The following CTNNBIP1 variants were observed in gnomAD, a reference collection of about 807,000 sequenced individuals.
The protein encoded by CTNNBIP1 is beta-catenin-interacting protein 1.
A neutral mutation model predicts 11.8 loss-of-function variants in CTNNBIP1; 7 were observed. The ratio of observed to expected loss-of-function variants is 0.60; its 90% CI spans 0.34 to 1.12. The LOEUF (loss-of-function observed/expected upper bound fraction) is 1.12. CTNNBIP1 is among the 50% of genes most tolerant of loss of function. The pLI, the probability that CTNNBIP1 is intolerant of heterozygous loss-of-function variation, is 0.03. For missense variants in CTNNBIP1, 101 were observed against 113.4 expected (o/e 0.89, Z 0.50); for synonymous variants, 58 against 43.9 (o/e 1.32, Z -1.26).
chr1:9,860,440 A>AC (rs1557746311), intron 5 of CTNNBIP1, among the ~76,000 whole-genome samples: 2 of 150,124 alleles, frequency 1.3e-5, no homozygotes, highest in East Asian at 3.9e-4. Flanking sequence ...AAAAAAAAAA[A>AC]AAAAAAAAAA....
At chr1:9,854,892 G>A (rs1638470242) in intron 5 of CTNNBIP1, among the ~76,000 whole-genome samples, 1 of 152,150 alleles carries the variant, frequency 6.6e-6, no homozygotes, top group African/African-American at 2.4e-5. Context: ...GTCCAGGCTG[G>A]TCTCGAGCTC....
intron 1 of CTNNBIP1, among the ~76,000 whole-genome samples, chr1:9,897,147 AAAAC>A (rs1307781265): frequency 6.6e-6 from 1 of 151,888 alleles, no homozygotes; most frequent in African/African-American, 2.4e-5. Flanking sequence ...CTCTGTCTCA[AAAAC>A]AAACAAACAA....
At chr1:9,905,720 G>A (rs1346359849) in intron 1 of CTNNBIP1, among the ~76,000 whole-genome samples, 1 of 150,946 alleles carries the variant, frequency 6.6e-6, no homozygotes. Flanking sequence ...GTGAACCACC[G>A]CGCCCGGCCT....
At chr1:9,882,327 G>C (rs1209089171) in intron 2 of CTNNBIP1, among the ~76,000 whole-genome samples, 2 of 152,236 alleles carry the variant, frequency 1.3e-5, no homozygotes, top group African/African-American at 4.8e-5. Context: ...GTGATGAGAG[G>C]CTTCCAATGA....
At chr1:9,876,540 C>G (rs888087237) in intron 3 of CTNNBIP1, among the ~76,000 whole-genome samples, 4 of 152,170 alleles carry the variant, frequency 2.6e-5, no homozygotes, top group African/African-American at 9.7e-5. Flanking sequence ...TCGCTTGGAC[C>G]TGGGAGGCGG....
Position 9,883,896 on chromosome 1 carries a change from G to A in CTNNBIP1, c.-143-158C>T, listed in dbSNP as rs1476290964. On this transcript the variant is annotated intron_variant, in intron 1 of 5. Coordinates refer to ENST00000377263, the MANE Select transcript of CTNNBIP1 (RefSeq NM_020248.3). This position sits in a 1 kb window ranked among gnomAD's most constrained non-coding sequence, Gnocchi z 5.6. ...CGGCTGACTTAACGGTGCTGGGGGA[G>A]CTCAGGGGAGGTCACCACCCAAACA... Among the ~76,000 whole-genome samples, 1 of 152,180 alleles carries A rather than the reference G, an allele frequency of 6.6e-6. No homozygotes were observed. The highest frequency in any genetic ancestry group is 6.5e-5 in the Admixed American group (1 of 15,286).
intron 5 of CTNNBIP1, among the ~76,000 whole-genome samples, chr1:9,860,428 TAAAAAAAAAAA>T (rs58165059): frequency 2.2e-5 from 1 of 45,544 alleles, no homozygotes; most frequent in Admixed American, 3.0e-4. Flanking sequence ...CCGTCTCTAC[TAAAAAAAAAAA>T]AAAAAAAAAA....
rs1029410319 is a variant in CTNNBIP1, at chr1:9,883,447, G to C, written c.-110+258C>G. Among the ~76,000 whole-genome samples the C allele has an allele frequency of 5.3e-5, 8 of 152,134 alleles. No homozygotes were observed. The highest frequency in any genetic ancestry group is 1.9e-4 in the African/African-American group (8 of 41,414). On this transcript the variant is annotated intron_variant, in intron 2 of 5. Coordinates refer to ENST00000377263, the MANE Select transcript of CTNNBIP1 (RefSeq NM_020248.3). The surrounding 1 kb of genome is among the most constrained non-coding windows in gnomAD (Gnocchi z 5.6). The stretch of plus-strand genomic sequence containing the variant: ...GAGAGGTCCACCTGCCCCATCCCAT[G>C]TCTACTCAGGCCCCACAGGCTCCTG...
intron 5 of CTNNBIP1, among the ~76,000 whole-genome samples, chr1:9,865,009 A>G (rs2101463701): frequency 6.6e-6 from 1 of 152,228 alleles, no homozygotes; most frequent in South Asian, 2.1e-4. Context: ...TGGGCAGATC[A>G]CGTGAGGTCA....
Position 9,872,072 on chromosome 1 carries a change from C to T in CTNNBIP1, c.-8G>A, listed in dbSNP as rs1196912312. ...AGCTCCCTCGCGGTTCATCCCCCTG[C>T]CTGGCTCTGGGGACTCCTGCAGAGC... is the stretch of plus-strand genomic sequence containing the variant. On this transcript the variant is annotated 5_prime_UTR_variant, in exon 4 of 6. Transcript: ENST00000377263. The surrounding 1 kb of genome is among the most constrained non-coding windows in gnomAD (Gnocchi z 4.0). 2.5e-6 allele frequency: 4 copies of T among 1,610,238 alleles called. No individual in the cohort carries two copies. The African/African-American group carries it at 5.3e-5, about 21-fold the overall frequency.
At chr1:9,910,017 G>A (rs914415957) in intron 1 of CTNNBIP1, 78 bp downstream of exon 1, 1 of 149,902 alleles carries the variant, frequency 6.7e-6, no homozygotes, top group Non-Finnish European at 1.5e-5. Flanking sequence ...CAGACAAAGG[G>A]CTGGCCGCTC....
intron 1 of CTNNBIP1, among the ~76,000 whole-genome samples, chr1:9,886,197 C>T (rs895591796): frequency 1.3e-5 from 2 of 152,114 alleles, no homozygotes; most frequent in East Asian, 1.9e-4. Flanking sequence ...GACAGAGAGG[C>T]GGGAGGGGAC....
chr1:9,871,817 C>T lies in CTNNBIP1; in HGVS notation c.96+152G>A, dbSNP rs1045644097. 3.6e-5 allele frequency: 24 copies of T among 660,780 alleles called. No individual in the cohort carries two copies. In the African/African-American group the frequency reaches 4.1e-4, roughly 11 times the overall value. The allele number at this position is 660,780 out of a possible 1,614,324, so 40.9% of individuals were successfully genotyped here. A position where few individuals can be genotyped will look rare whatever the true frequency, so the allele number is the denominator to read the frequency against. ...TGTGCCTAGGGGGCCAGAAGCAGCC[C>T]TAGAGCCAAGCCACAGGCCCAGCGG... On this transcript the variant is annotated intron_variant, in intron 4 of 5. Transcript: ENST00000377263. This position sits in a 1 kb window ranked among gnomAD's most constrained non-coding sequence, Gnocchi z 5.2.
At chr1:9,877,103 C>T (rs540313332) in intron 3 of CTNNBIP1, among the ~76,000 whole-genome samples, 14 of 152,314 alleles carry the variant, frequency 9.2e-5, no homozygotes, top group African/African-American at 3.1e-4. Context: ...GACCTAATCT[C>T]GACCACCATG....
Position 9,867,096 on chromosome 1 carries a change from C to A in CTNNBIP1, c.187+4091G>T, listed in dbSNP as rs868529407. Reference sequence around the variant, plus strand: ...GTTCTCTGTTGAGATCACAGCACTGCGTGTGGAACAGGGAGAAGAGAGGGG... The same window carrying A: ...GTTCTCTGTTGAGATCACAGCACTGAGTGTGGAACAGGGAGAAGAGAGGGG... On this transcript the variant is annotated intron_variant, in intron 5 of 5. Transcript: ENST00000377263. The surrounding 1 kb of genome is among the most constrained non-coding windows in gnomAD (Gnocchi z 4.6). 6.6e-6 allele frequency among the ~76,000 whole-genome samples: 1 copy of A among 152,054 alleles called. No homozygotes were observed. Among genetic ancestry groups the A allele is most frequent in the African/African-American group, 2.4e-5 (1 of 41,380 alleles).
chr1:9,905,955 AAG>A (rs1227564251), intron 1 of CTNNBIP1, among the ~76,000 whole-genome samples: 2 of 152,188 alleles, frequency 1.3e-5, no homozygotes, highest in African/African-American at 2.4e-5. Context: ...AGTAGACAAA[AAG>A]AGACAAAAAT....
At chr1:9,889,362 G>A (rs1639249868) in intron 1 of CTNNBIP1, among the ~76,000 whole-genome samples, 1 of 152,190 alleles carries the variant, frequency 6.6e-6, no homozygotes, top group African/African-American at 2.4e-5. Flanking sequence ...CTGCTGGGTA[G>A]AGGCCAGGAT....
At chr1:9,899,339 C>T (rs1639474465) in intron 1 of CTNNBIP1, among the ~76,000 whole-genome samples, 1 of 150,792 alleles carries the variant, frequency 6.6e-6, no homozygotes, top group South Asian at 2.1e-4. Context: ...ACCTGTAATG[C>T]CAGCTACCCA....
intron 1 of CTNNBIP1, among the ~76,000 whole-genome samples, chr1:9,896,349 T>C (rs908206517): frequency 6.6e-6 from 1 of 152,304 alleles, no homozygotes; most frequent in Admixed American, 6.5e-5. Flanking sequence ...ATGGAGTGAA[T>C]GTATTAGACG....
Sources: allele counts gnomAD v4.1 joint callset (sites outside exome capture counted in the v4.1 genomes callset), GRCh38; gene constraint gnomAD v4.1.1; non-coding constraint Gnocchi (gnomAD v3.1); transcripts MANE v1.5; gene names NCBI Gene and HGNC (gene_info 2026-07-23, HGNC 2026-07-21).